PFN4: variants seen among roughly 807,000 people sequenced by gnomAD.
PFN4 encodes the protein profilin family member 4.
In PFN4, 10 loss-of-function variants were observed where a neutral mutation model predicts 16.3. The ratio of observed to expected loss-of-function variants is 0.61; its 90% CI spans 0.38 to 1.04. The LOEUF is 1.04. Ranked by LOEUF, PFN4 falls within the 50% of genes least tolerant of loss-of-function variation. The pLI is 0.01. For missense variants in PFN4, 136 were observed against 153.6 expected (o/e 0.89, Z 0.61); for synonymous variants, 54 against 56.9 (o/e 0.95, Z 0.23).
At chr2:24,120,896 G>A (rs552178760) in intron 3 of PFN4, among the ~76,000 whole-genome samples, 1 of 150,700 alleles carries the variant, frequency 6.6e-6, no homozygotes, top group South Asian at 2.1e-4. Context: ...TTTAAAGGAG[G>A]ATGTAGAGTA....
chr2:24,116,683 C>T (rs1455504098), intron 4 of PFN4, among the ~76,000 whole-genome samples: 3 of 151,772 alleles, frequency 2.0e-5, no homozygotes, highest in Non-Finnish European at 4.4e-5. Flanking sequence ...GGTGAAACCC[C>T]GTCTCTACTA....
intron 4 of PFN4, among the ~76,000 whole-genome samples, chr2:24,117,921 T>C (rs961573984): frequency 2.6e-5 from 4 of 152,242 alleles, no homozygotes; most frequent in Non-Finnish European, 5.9e-5. Flanking sequence ...AAGATAGCTG[T>C]CCCTTCCCAG....
chr2:24,119,392 T>C (rs1246542985), intron 4 of PFN4, among the ~76,000 whole-genome samples, 185 bp downstream of exon 4: 1 of 152,234 alleles, frequency 6.6e-6, no homozygotes, highest in Non-Finnish European at 1.5e-5. Context: ...TTCCAGTCCC[T>C]GAATCTACCT....
intron 3 of PFN4, 115 bp from the exon 4 acceptor site, chr2:24,119,797 T>C (rs1666038779): frequency 1.4e-5 from 10 of 693,962 alleles, no homozygotes; most frequent in Non-Finnish European, 1.9e-5. Context: ...GGAATATATA[T>C]GGAATATACA....
At chr2:24,121,063 T>A (rs568212772) in intron 3 of PFN4, 100 bp downstream of exon 3, 2 of 1,456,458 alleles carry the variant, frequency 1.4e-6, no homozygotes, top group East Asian at 4.6e-5. Context: ...AAGACATTAA[T>A]GGATTTAATC....
At chr2:24,120,888 T>A (rs955422770) in intron 3 of PFN4, among the ~76,000 whole-genome samples, 2 of 147,636 alleles carry the variant, frequency 1.4e-5, no homozygotes, top group Admixed American at 6.7e-5. Context: ...TTTTTTTTTT[T>A]AAAGGAGGAT....
At chr2:24,119,243 T>C (rs1666021571) in intron 4 of PFN4, among the ~76,000 whole-genome samples, 1 of 151,594 alleles carries the variant, frequency 6.6e-6, no homozygotes, top group South Asian at 2.1e-4. Context: ...GACCTGAAAC[T>C]TGCCAAATCA....
At chr2:24,116,537 C>T (rs962867382) in intron 4 of PFN4, among the ~76,000 whole-genome samples, 39 of 151,952 alleles carry the variant, frequency 2.6e-4, no homozygotes, top group Admixed American at 5.2e-4. Context: ...TAAGTCACAA[C>T]GTATGCTTAA....
intron 3 of PFN4, 52 bp downstream of exon 3, chr2:24,121,111 G>T (rs1666100846): frequency 5.0e-6 from 8 of 1,600,650 alleles, no homozygotes; most frequent in Non-Finnish European, 6.8e-6. Context: ...AAGGAAATTT[G>T]GAGGCAAATT....
intron 3 of PFN4, among the ~76,000 whole-genome samples, chr2:24,120,268 CA>C (rs58841450): frequency 1.8e-4 from 21 of 118,318 alleles, no homozygotes; most frequent in South Asian, 6.4e-4. Flanking sequence ...AAACTCGTCT[CA>C]AAAAAAAAAA....
Position 24,122,546 on chromosome 2 carries a change from C to T in PFN4, c.-11G>A, listed in dbSNP as rs778088057. 2.3e-5 allele frequency: 36 copies of T among 1,580,622 alleles called. No homozygotes were observed. The highest frequency in any genetic ancestry group is 3.0e-5 in the Non-Finnish European group (34 of 1,151,892). Reference sequence around the variant, plus strand: ...CTGCAAATGGCTCATGTTCCCTCAACTCTGAAAGGGAAAGTGCAGTTGAAG... The same window carrying T: ...CTGCAAATGGCTCATGTTCCCTCAATTCTGAAAGGGAAAGTGCAGTTGAAG... On this transcript the variant is annotated splice_region_variant and 5_prime_UTR_variant, in exon 2 of 5. Coordinates refer to ENST00000313213, the MANE Select transcript of PFN4 (RefSeq NM_199346.3).
chr2:24,116,430 G>A (rs1282543234), intron 4 of PFN4, among the ~76,000 whole-genome samples: 1 of 152,162 alleles, frequency 6.6e-6, no homozygotes, highest in Non-Finnish European at 1.5e-5. Context: ...GGGCTCAGTT[G>A]ATCCTCCTGC....
intron 2 of PFN4, among the ~76,000 whole-genome samples, chr2:24,121,601 C>T (rs1666120913): frequency 6.6e-6 from 1 of 152,098 alleles, no homozygotes; most frequent in Non-Finnish European, 1.5e-5. Context: ...GACTCTACGG[C>T]CCTGTGCTAT....
chr2:24,118,010 T>C (rs928517642), intron 4 of PFN4, among the ~76,000 whole-genome samples: 2 of 152,188 alleles, frequency 1.3e-5, no homozygotes, highest in African/African-American at 2.4e-5. Flanking sequence ...TGGAGTTTTT[T>C]GTGGCCCTAA....
At chr2:24,119,729 A>G in intron 3 of PFN4, 47 bp from the exon 4 acceptor site, 3 of 1,440,086 alleles carry the variant, frequency 2.1e-6, no homozygotes, top group Non-Finnish European at 1.9e-6. Flanking sequence ...TTCTAATCAC[A>G]GGACCAGTGG....
intron 4 of PFN4, among the ~76,000 whole-genome samples, chr2:24,117,073 T>C (rs1022695780): frequency 6.7e-6 from 1 of 149,010 alleles, no homozygotes; most frequent in Non-Finnish European, 1.5e-5. Flanking sequence ...TGGAGTGCAG[T>C]GGCACGATCT....
At chr2:24,121,911 G>C (rs1013385445) in intron 2 of PFN4, among the ~76,000 whole-genome samples, 1 of 152,180 alleles carries the variant, frequency 6.6e-6, no homozygotes, top group Non-Finnish European at 1.5e-5. Flanking sequence ...GTAGAACTGT[G>C]AGCCAAATAA....
intron 4 of PFN4, among the ~76,000 whole-genome samples, chr2:24,116,973 A>G (rs1480096132): frequency 6.6e-6 from 1 of 152,012 alleles, no homozygotes; most frequent in Admixed American, 6.6e-5. Context: ...CAATGTTACA[A>G]ATGTGACTCT....
rs1330340338 is a variant in PFN4 at position 24,123,279 on chromosome 2, A to C, written c.-174T>G. 6.6e-6 allele frequency: 1 copy of C among 152,096 alleles called. No individual in the cohort carries two copies. Among genetic ancestry groups the C allele is most frequent in the Non-Finnish European group, 1.5e-5 (1 of 68,032 alleles). The allele number at this position is 152,096 out of a possible 1,614,324, so 9.4% of individuals were successfully genotyped here. ...CTGTGGTGCCCGCAAGGACCCGGCG[A>C]CCAAGGACCCGACCGTCAACGGACG... is the stretch of plus-strand genomic sequence containing the variant. On this transcript the variant is annotated 5_prime_UTR_variant, in exon 1 of 5. Coordinates refer to ENST00000313213, the MANE Select transcript of PFN4 (RefSeq NM_199346.3).
Sources: gnomAD v4.1 joint callset for allele counts (sites outside exome capture counted in the v4.1 genomes callset) on GRCh38, gnomAD v4.1.1 for gene constraint, MANE v1.5 for transcripts, NCBI Gene and HGNC (gene_info 2026-07-23, HGNC 2026-07-21) for gene names.